The following BRAT1 variants were observed in gnomAD, a reference collection of about 807,000 sequenced individuals.
BRAT1 encodes the protein BRCA1 associated ATM activator 1, also known as integrator complex assembly factor BRAT1.
Under a neutral mutation model 70.6 loss-of-function variants are expected in BRAT1, and 74 were observed. The ratio of observed to expected loss-of-function variants is 1.05; its 90% CI spans 0.87 to 1.27. The LOEUF is 1.27. Ranked by LOEUF, BRAT1 falls within the 50% of genes most tolerant of loss-of-function variation. The pLI is 0.00. For missense variants in BRAT1, 1,203 were observed against 1,098.2 expected (o/e 1.10, Z -1.35); for synonymous variants, 615 against 517.1 (o/e 1.19, Z -2.57).
At chr7:2,545,575 T>C (rs1400308853) in intron 3 of BRAT1, among the ~76,000 whole-genome samples, 1 of 149,670 alleles carries the variant, frequency 6.7e-6, no homozygotes, top group Non-Finnish European at 1.5e-5. Flanking sequence ...CTGCAACCTC[T>C]GCCTCCTGGG....
At chr7:2,544,034 CAG>C in intron 4 of BRAT1, 72 bp from the exon 5 acceptor site, 1 of 1,000,668 alleles carries the variant, frequency 1.0e-6, no homozygotes, top group Non-Finnish European at 1.3e-6. Context: ...CAGAGGGCCT[CAG>C]GGAAGATACA....
intron 12 of BRAT1, 77 bp from the exon 13 acceptor site, chr7:2,539,428 T>C: frequency 2.0e-6 from 3 of 1,526,738 alleles, no homozygotes; most frequent in Admixed American, 2.0e-5. Context: ...TCCATCCCCT[T>C]GTGGGCAGCC....
At chr7:2,538,798 G>T (rs754469834) in intron 13 of BRAT1, 34 bp from the exon 14 acceptor site, 2 of 1,596,200 alleles carry the variant, frequency 1.3e-6, no homozygotes, top group East Asian at 4.5e-5. Context: ...GATGGTTGGT[G>T]GGGTGGCAGG....
Position 2,545,288 on chromosome 7 carries a change from C to T in BRAT1, c.283-232G>A, listed in dbSNP as rs190068402. Among the ~76,000 whole-genome samples, 671 of 141,658 alleles carry T rather than the reference C, an allele frequency of 4.7e-3. 8 individuals carry two copies. The highest frequency in any genetic ancestry group is 0.02 in the Middle Eastern group (5 of 244). 92.9% of individuals were successfully genotyped at this position (141,658 alleles called of 152,430 possible). A position where few individuals can be genotyped will look rare whatever the true frequency, so the allele number is the denominator to read the frequency against. ...CTGAGGCAGGAGAATTGCTTGAACCCGGGAGGCGAAGGTTGCAGTGAGCCA... is the reference window on the plus strand; with the variant it reads ...CTGAGGCAGGAGAATTGCTTGAACCTGGGAGGCGAAGGTTGCAGTGAGCCA... On this transcript the variant is annotated intron_variant, in intron 3 of 13. Transcript: ENST00000340611.
At chr7:2,550,700 A>T (rs1422716400) in intron 2 of BRAT1, among the ~76,000 whole-genome samples, 1 of 152,062 alleles carries the variant, frequency 6.6e-6, no homozygotes, top group Non-Finnish European at 1.5e-5. Context: ...ACAATGCAGG[A>T]GAAATGACAG....
chr7:2,538,447 G>A lies in BRAT1; in HGVS notation c.2088C>T (p.Cys696=), dbSNP rs369595259. The change falls in exon 14 of 14, where the codon TGC becomes TGT. Residue 696 remains cysteine (C), a synonymous_variant. Transcript: ENST00000340611. ...QPLTEALRAL[C]HVGLFDFAFC... The stretch of plus-strand genomic sequence containing the variant: ...AGGCGAAGTCAAAGAGCCCCACGTG[G>A]CAGAGAGCCCTCAGTGCCTCGGTGA... The A allele has an allele frequency of 1.4e-5, 23 of 1,613,058 alleles. No homozygotes were observed. Among genetic ancestry groups the A allele is most frequent in the Non-Finnish European group, 1.9e-5 (22 of 1,179,958 alleles).
At chr7:2,544,220 T>TTTTTTTTTTG (rs56191016) in intron 4 of BRAT1, 1 of 362,650 alleles carries the variant, frequency 2.8e-6, no homozygotes. Flanking sequence ...TTTTTTTTTT[T>TTTTTTTTTTG]GAGACAGAGT....
chr7:2,543,762 T>A lies in BRAT1; in HGVS notation c.631A>T (p.Thr211Ser). 6.2e-7 allele frequency: 1 copy of A among 1,605,526 alleles called. No homozygotes were observed. Among genetic ancestry groups the A allele is most frequent in the South Asian group, 1.1e-5 (1 of 90,600 alleles). The change falls in exon 5 of 14, where the codon ACC becomes TCC. Residue 211 changes from threonine (T) to serine (S), a missense_variant. Physicochemically the swap from Thr to Ser is moderately conservative, Grantham distance 58. Coordinates refer to ENST00000340611, the MANE Select transcript of BRAT1 (RefSeq NM_152743.4). The surrounding 1 kb of genome is among the most constrained non-coding windows in gnomAD (Gnocchi z 5.5). ...TTCAGGGCCTGAGTGACCTTGGGGG[T>A]GGCCGCGGAGCACAAGGACTCTTCA... ...HVEESLCSAATPKVTQALNVL... is the reference protein window; with the variant it reads ...HVEESLCSAASPKVTQALNVL...
At chr7:2,554,220 G>A in intron 2 of BRAT1, 85 bp downstream of exon 2, 2 of 1,543,420 alleles carry the variant, frequency 1.3e-6, no homozygotes, top group Non-Finnish European at 1.8e-6. Flanking sequence ...CAGGACAGGG[G>A]AGTCCCCATC....
chr7:2,543,138 C>T lies in BRAT1; in HGVS notation c.923+66G>A. 6.7e-7 allele frequency: 1 copy of T among 1,492,300 alleles called. No homozygotes were observed. Among genetic ancestry groups the T allele is most frequent in the Non-Finnish European group, 8.9e-7 (1 of 1,119,768 alleles). The allele number at this position is 1,492,300 out of a possible 1,614,324, so 92.4% of individuals were successfully genotyped here. On this transcript the variant is annotated intron_variant, in intron 6 of 13. Transcript: ENST00000340611. The surrounding 1 kb of genome is among the most constrained non-coding windows in gnomAD (Gnocchi z 5.5). ...ACTCCCCTGCCATGAGGGCTGCGCT[C>T]TCAACCTCCCTGCCTGCCCCAGCTC... is the stretch of plus-strand genomic sequence containing the variant.
chr7:2,551,787 T>C (rs1023956656), intron 2 of BRAT1, among the ~76,000 whole-genome samples: 2 of 151,500 alleles, frequency 1.3e-5, no homozygotes, highest in African/African-American at 2.4e-5. Context: ...CTCTAGAACA[T>C]TGAGAAAACT....
rs758560307 is a variant in BRAT1, at chr7:2,543,855, C to T, written c.538G>A (p.Ala180Thr). 4.0e-5 allele frequency: 64 copies of T among 1,612,774 alleles called. No individual in the cohort carries two copies. Among genetic ancestry groups the T allele is most frequent in the Non-Finnish European group, 5.3e-5 (62 of 1,179,960 alleles). Residue 180 changes from alanine (A) to threonine (T), a missense_variant, in exon 5 of 14, where the codon GCC (alanine) becomes ACC (threonine). Transcript: ENST00000340611. The surrounding 1 kb of genome is among the most constrained non-coding windows in gnomAD (Gnocchi z 5.5). Reference sequence around the variant, plus strand: ...CCCGGCAGGCAGGGCTGCCCCTCGGCTCCACCTCGCATGGACAAAGCCAGG... The same window carrying T: ...CCCGGCAGGCAGGGCTGCCCCTCGGTTCCACCTCGCATGGACAAAGCCAGG... ...HVLALSMRGG[A>T]EGQPCLPGGD... is the part of the protein sequence containing the mutation.
rs959001317 is a variant in BRAT1 at position 2,538,246 on chromosome 7, G to A, written c.2289C>T (p.Pro763=). ...CAGCCTCAGGCTCCTGGTCCCCTGG[G>A]GGCTGGGCCTGCTCACCCGCCCGCC... is the stretch of plus-strand genomic sequence containing the variant. ...PRWRAGEQAQ[P]PGDQEPEAVL... is the part of the protein sequence containing the mutation. The change falls in exon 14 of 14, where the codon CCC becomes CCT. Residue 763 remains proline (P), a synonymous_variant. Transcript: ENST00000340611. The A allele has an allele frequency of 6.2e-7, 1 of 1,610,228 alleles. No homozygotes were observed. The highest frequency in any genetic ancestry group is 1.7e-5 in the Admixed American group (1 of 59,912).
At chr7:2,553,372 ATC>A (rs778809408) in intron 2 of BRAT1, among the ~76,000 whole-genome samples, 2 of 152,182 alleles carry the variant, frequency 1.3e-5, no homozygotes, top group African/African-American at 2.4e-5. Flanking sequence ...AAATATAAAC[ATC>A]TGACAGTGGA....
chr7:2,543,097 GT>G lies in BRAT1; in HGVS notation c.923+106del. 1 of 1,399,916 alleles carries G rather than the reference GT, an allele frequency of 7.1e-7. No homozygotes were observed. Among genetic ancestry groups the G allele is most frequent in the Non-Finnish European group, 9.5e-7 (1 of 1,052,938 alleles). 86.7% of individuals were successfully genotyped at this position (1,399,916 alleles called of 1,614,324 possible). ...TCACACCCCGCACGGCCGCCTGACT[GT>G]CCCTGGTGTCCGGAACTCCCCTGCC... On this transcript the variant is annotated intron_variant, in intron 6 of 13. Transcript: ENST00000340611. The surrounding 1 kb of genome is among the most constrained non-coding windows in gnomAD (Gnocchi z 5.5).
Position 2,541,459 on chromosome 7 carries a change from T to A in BRAT1, c.1160A>T (p.Gln387Leu), listed in dbSNP as rs1779157528. ...PLPQRPSPWP[Q>L]ASLLGATVTV... ...CACTGTAGCCCCCAGTAGAGACGCC[T>A]GGGGCCACGGTGAAGGGCGCTGGGG... The change falls in exon 9 of 14, where the codon CAG becomes CTG. Residue 387 changes from glutamine to leucine, a missense_variant. Transcript: ENST00000340611. 1 of 1,558,362 alleles carries A rather than the reference T, an allele frequency of 6.4e-7. No individual in the cohort carries two copies. Among genetic ancestry groups the A allele is most frequent in the East Asian group, 2.4e-5 (1 of 42,228 alleles).
chr7:2,553,787 G>A (rs1380736029), intron 2 of BRAT1, among the ~76,000 whole-genome samples: 2 of 151,390 alleles, frequency 1.3e-5, no homozygotes, highest in East Asian at 1.9e-4. Flanking sequence ...GGGACTACAG[G>A]TGCGCCACCA....
At position 2,538,248 on chromosome 7, in the gene BRAT1, G is replaced by A. The variant is rs747589994; in HGVS notation, c.2287C>T (p.Pro763Ser). ...PRWRAGEQAQPPGDQEPEAVL... is the reference protein window; with the variant it reads ...PRWRAGEQAQSPGDQEPEAVL... ...GCCTCAGGCTCCTGGTCCCCTGGGG[G>A]CTGGGCCTGCTCACCCGCCCGCCAC... Residue 763 changes from proline to serine, a missense_variant, in exon 14 of 14, where the codon CCC becomes TCC. Pro to Ser is a moderately conservative substitution (Grantham distance 74). Coordinates refer to ENST00000340611, the MANE Select transcript of BRAT1 (RefSeq NM_152743.4). 3 of 1,610,230 alleles carry A rather than the reference G, an allele frequency of 1.9e-6. No homozygotes were observed. The highest frequency in any genetic ancestry group is 1.3e-5 in the African/African-American group (1 of 74,924).
intron 10 of BRAT1, 70 bp from the exon 11 acceptor site, chr7:2,539,958 C>T: frequency 8.5e-7 from 1 of 1,170,458 alleles, no homozygotes; most frequent in African/African-American, 1.6e-5. Flanking sequence ...GTCCCCCTCG[C>T]CTTCACCTGT....
Sources: allele counts gnomAD v4.1 joint callset (sites outside exome capture counted in the v4.1 genomes callset), GRCh38; gene constraint gnomAD v4.1.1; non-coding constraint Gnocchi (gnomAD v3.1); transcripts MANE v1.5; gene names NCBI Gene and HGNC (gene_info 2026-07-23, HGNC 2026-07-21).